NBAS: variants seen among roughly 807,000 people sequenced by gnomAD.
NBAS encodes NBAS subunit of NRZ tethering complex, also known as NAG/BC035112 fusion.
Under a neutral mutation model 302.5 loss-of-function variants are expected in NBAS, and 219 were observed. The ratio of observed to expected loss-of-function variants is 0.72; its 90% CI spans 0.65 to 0.81. The LOEUF (loss-of-function observed/expected upper bound fraction) is 0.81, where lower values mean the gene tolerates loss of function less well. NBAS is among the 30% of genes least tolerant of loss of function. NBAS has a pLI of 0.00. For missense variants in NBAS, 2,932 were observed against 2,841.6 expected, an observed-to-expected ratio of 1.03 and a Z score of -0.72; for synonymous variants, 1,118 against 1,021.6, an observed-to-expected ratio of 1.09 and a Z score of -1.80.
At chr2:15,165,579 A>G (rs760935671), downstream of NBAS, among the ~76,000 whole-genome samples, 30 of 152,204 alleles carry the variant, frequency 2.0e-4, no homozygotes, top group Non-Finnish European at 4.3e-4. Context: ...GAAGCCGACG[A>G]TGATGGTGAT....
the NBAS span, among the ~76,000 whole-genome samples, chr2:14,958,456 C>A: frequency 6.6e-6 from 1 of 152,134 alleles, no homozygotes; most frequent in Non-Finnish European, 1.5e-5. Context: ...TCTGAGGAAC[C>A]AGCTGAGTAG....
chr2:14,880,826 T>C, the NBAS span, among the ~76,000 whole-genome samples: 6 of 151,900 alleles, frequency 3.9e-5, no homozygotes, highest in South Asian at 4.1e-4. Context: ...ACAATGTACC[T>C]TGGGAAAAAT....
the NBAS span, among the ~76,000 whole-genome samples, chr2:14,972,963 A>G: frequency 4.6e-5 from 7 of 152,176 alleles, no homozygotes; most frequent in Non-Finnish European, 1.0e-4. Context: ...TCAAACACAC[A>G]ATGGAGAAAG....
intron 51 of NBAS, among the ~76,000 whole-genome samples, chr2:15,172,970 G>A (rs1664364750): frequency 6.6e-6 from 1 of 152,166 alleles, no homozygotes; most frequent in African/African-American, 2.4e-5. Context: ...TAAGGGTTGG[G>A]AATAATACAA....
chr2:15,478,183 G>T (rs1157808209), intron 13 of NBAS, 43 bp downstream of exon 13: 1 of 1,241,536 alleles, frequency 8.1e-7, no homozygotes, highest in South Asian at 1.2e-5. Flanking sequence ...TATAATAATA[G>T]GAGTATATTA....
At chr2:15,396,626 T>G (rs111581185) in intron 26 of NBAS, 151 bp from the exon 27 acceptor site, 1 of 557,052 alleles carries the variant, frequency 1.8e-6, no homozygotes, top group African/African-American at 1.9e-5. Flanking sequence ...TTATTAATGA[T>G]TCAAGAGAAT....
At chr2:14,952,864 A>C in the NBAS span, among the ~76,000 whole-genome samples, 39 of 152,366 alleles carry the variant, frequency 2.6e-4, no homozygotes, top group African/African-American at 9.1e-4. Context: ...AGAGTAAAAC[A>C]GTCAAGTAAG....
intron 19 of NBAS, among the ~76,000 whole-genome samples, chr2:15,466,245 G>A (rs928781693): frequency 2.4e-4 from 37 of 152,272 alleles, no homozygotes; most frequent in African/African-American, 7.7e-4. Context: ...ATTATCAGAT[G>A]TGACATACAG....
In NBAS at chr2:15,292,590, C is replaced by A. The variant is rs371186583; in HGVS notation, c.4974G>T (p.Gln1658His). 1.9e-6 allele frequency: 3 copies of A among 1,614,094 alleles called. No homozygotes were observed. The highest frequency in any genetic ancestry group is 2.5e-6 in the Non-Finnish European group (3 of 1,180,054). The change falls in exon 41 of 52, where the codon CAG becomes CAT. Residue 1658 changes from glutamine (Q) to histidine (H), a missense_variant. Coordinates refer to ENST00000281513, the MANE Select transcript of NBAS (RefSeq NM_015909.4). ...TATACTGGTCATCTGCAGTAAACCG[C>A]TGCACGTCCACACCCTTCCGAAGGC... ...LQGLRKGVDV[Q>H]RFTADDQYKR...
chr2:15,222,970 T>C (rs1205792046), intron 47 of NBAS, among the ~76,000 whole-genome samples: 2 of 152,242 alleles, frequency 1.3e-5, no homozygotes, highest in Admixed American at 1.3e-4. Context: ...TTTGTGTTGA[T>C]AGTTCAAACA....
At chr2:14,785,029 C>T in the NBAS span, among the ~76,000 whole-genome samples, 6 of 151,716 alleles carry the variant, frequency 4.0e-5, no homozygotes, top group East Asian at 1.9e-4. Flanking sequence ...TGAAGAGGTC[C>T]TTCACGTCCC....
chr2:15,119,749 C>T, the NBAS span, among the ~76,000 whole-genome samples: 1 of 152,118 alleles, frequency 6.6e-6, no homozygotes, highest in Admixed American at 6.6e-5. Context: ...GTACTCAGGG[C>T]CCTACAGAGG....
At chr2:15,422,883 G>C (rs370913844) in intron 23 of NBAS, among the ~76,000 whole-genome samples, 28 of 152,222 alleles carry the variant, frequency 1.8e-4, no homozygotes, top group African/African-American at 6.0e-4. Flanking sequence ...AACCGCAAAA[G>C]GCTCAAACAA....
At chr2:15,182,813 T>C (rs1380702882) in intron 50 of NBAS, among the ~76,000 whole-genome samples, 1 of 152,070 alleles carries the variant, frequency 6.6e-6, no homozygotes, top group African/African-American at 2.4e-5. Flanking sequence ...ATATTTTCCA[T>C]CAGGAAAACC....
At chr2:15,247,496 G>C (rs755185481) in intron 44 of NBAS, among the ~76,000 whole-genome samples, 4 of 151,760 alleles carry the variant, frequency 2.6e-5, no homozygotes, top group Non-Finnish European at 5.9e-5. Flanking sequence ...GACCATTCAG[G>C]CTCAAAATAA....
At chr2:14,897,769 C>T in the NBAS span, among the ~76,000 whole-genome samples, 1 of 152,112 alleles carries the variant, frequency 6.6e-6, no homozygotes, top group Admixed American at 6.6e-5. Flanking sequence ...AGGGATCTTT[C>T]CATTCTCAGG....
At chr2:15,449,986 T>C (rs144046170) in intron 21 of NBAS, among the ~76,000 whole-genome samples, 84 of 152,326 alleles carry the variant, frequency 5.5e-4, no homozygotes, top group African/African-American at 2.0e-3. Flanking sequence ...GAAACACTTT[T>C]ATGTTTCCCT....
the NBAS span, among the ~76,000 whole-genome samples, chr2:14,889,689 T>C: frequency 9.2e-5 from 14 of 152,250 alleles, 1 homozygote; most frequent in South Asian, 2.9e-3. Context: ...GAAATACACA[T>C]GAGATTAGAA....
intron 11 of NBAS, among the ~76,000 whole-genome samples, chr2:15,497,315 G>A (rs1400534709): frequency 6.6e-6 from 1 of 152,192 alleles, no homozygotes; most frequent in African/African-American, 2.4e-5. Flanking sequence ...TAGGGGAACT[G>A]ATTAAGTATC....
Sources: allele counts gnomAD v4.1 joint callset (sites outside exome capture counted in the v4.1 genomes callset), GRCh38; gene constraint gnomAD v4.1.1; transcripts MANE v1.5; gene names NCBI Gene and HGNC (gene_info 2026-07-23, HGNC 2026-07-21).